The following CD55 variants were observed in gnomAD, a reference collection of about 807,000 sequenced individuals.
The protein encoded by CD55 is CD55 molecule (Cromer blood group).
Under a neutral mutation model 45.8 loss-of-function variants are expected in CD55, and 41 were observed. The observed-to-expected ratio is 0.90, with a 90% confidence interval of 0.70 to 1.16. The LOEUF (loss-of-function observed/expected upper bound fraction) is 1.16, where lower values mean the gene tolerates loss of function less well. CD55 is among the 50% of genes most tolerant of loss of function. The pLI, the probability that CD55 is intolerant of heterozygous loss-of-function variation, is 0.00. For synonymous variants in CD55, 181 were observed against 181.1 expected, an observed-to-expected ratio of 1.00 and a Z score of 0.01; for missense variants, 416 against 469.8, an observed-to-expected ratio of 0.89 and a Z score of 1.06.
At chr1:207,342,362 C>T (rs536646038) in intron 9 of CD55, among the ~76,000 whole-genome samples, 3 of 152,264 alleles carry the variant, frequency 2.0e-5, no homozygotes, top group Admixed American at 6.5e-5. Flanking sequence ...TGAAAGTAGA[C>T]ATCCTTCTCT....
intron 6 of CD55, among the ~76,000 whole-genome samples, chr1:207,331,845 G>A (rs552288651): frequency 7.9e-5 from 12 of 152,004 alleles, no homozygotes; most frequent in South Asian, 2.1e-4. Flanking sequence ...AGAATCCTTC[G>A]AACTGCTTTT....
In CD55 at chr1:207,326,811, G is replaced by T; in HGVS notation, c.638G>T (p.Trp213Leu). 6.2e-7 allele frequency: 1 copy of T among 1,613,760 alleles called. No individual in the cohort carries two copies. The highest frequency in any genetic ancestry group is 8.5e-7 in the Non-Finnish European group (1 of 1,179,752). Residue 213 changes from tryptophan to leucine, a missense_variant, in exon 5 of 10, where the codon TGG becomes TTG. Around this residue, in one of 3 missense-constraint regions of CD55, gnomAD observed 111 missense variants for 163.4 expected, o/e 0.68. Transcript: ENST00000367064. Reference protein sequence around the residue: ...FCLISGSSVQWSDPLPECREI... With the variant: ...FCLISGSSVQLSDPLPECREI... The stretch of plus-strand genomic sequence containing the variant: ...CTTATTTCAGGCAGCTCTGTCCAGT[G>T]GAGTGACCCGTTGCCAGAGTGCAGA...
chr1:207,344,253 G>A (rs1292632183), intron 9 of CD55, among the ~76,000 whole-genome samples: 1 of 152,184 alleles, frequency 6.6e-6, no homozygotes, highest in Non-Finnish European at 1.5e-5. Flanking sequence ...TTATTGTGAT[G>A]TAGAGTTTTT....
At chr1:207,350,255 G>A (rs1024535252) in intron 9 of CD55, 2 of 332,346 alleles carry the variant, frequency 6.0e-6, no homozygotes, top group African/African-American at 4.5e-5. Flanking sequence ...TGCTGGATTT[G>A]ATCTGCTAGT....
At chr1:207,352,664 A>G (rs1213434862) in intron 9 of CD55, among the ~76,000 whole-genome samples, 1 of 152,160 alleles carries the variant, frequency 6.6e-6, no homozygotes, top group Admixed American at 6.5e-5. Flanking sequence ...TTTGAAGCTT[A>G]ATGTGATTAG....
Position 207,324,727 on chromosome 1 carries a change from C to T in CD55, c.455C>T (p.Ser152Phe), listed in dbSNP as rs751250615. 1.2e-6 allele frequency: 2 copies of T among 1,600,702 alleles called. No homozygotes were observed. The highest frequency in any genetic ancestry group is 3.6e-5 in the Admixed American group (2 of 56,176). ...KLTCLQNLKW[S>F]TAVEFCKKKS... ...ACTTGCCTTCAGAATTTAAAATGGT[C>T]CACAGCAGTCGAATTTTGTAAAAGT... Residue 152 changes from serine (S) to phenylalanine (F), a missense_variant, in exon 3 of 10, where the codon TCC becomes TTC. Ser to Phe is a radical substitution (Grantham distance 155). This residue lies in a region of CD55 where 111 missense variants were observed against 163.4 expected (regional missense o/e 0.68). Transcript: ENST00000367064.
intron 9 of CD55, chr1:207,350,100 C>T (rs1655804419): frequency 8.8e-6 from 4 of 454,298 alleles, no homozygotes; most frequent in African/African-American, 2.0e-5. Flanking sequence ...GCCTTTTCTA[C>T]AACAATTGAG....
intron 6 of CD55, among the ~76,000 whole-genome samples, chr1:207,336,200 G>A (rs1655164994): frequency 1.3e-5 from 2 of 152,248 alleles, no homozygotes; most frequent in Middle Eastern, 3.4e-3. Context: ...AGAATTAAAA[G>A]GAGTTATTTT....
chr1:207,350,428 G>A (rs1274823136), intron 9 of CD55, among the ~76,000 whole-genome samples: 2 of 152,106 alleles, frequency 1.3e-5, no homozygotes, highest in Non-Finnish European at 2.9e-5. Flanking sequence ...AGTATGATTG[G>A]TACCGGCTCT....
At chr1:207,353,065 T>TGG (rs66733059) in intron 9 of CD55, among the ~76,000 whole-genome samples, 2 of 104,068 alleles carry the variant, frequency 1.9e-5, no homozygotes, top group Non-Finnish European at 4.0e-5. Flanking sequence ...TTTTTTTTTT[T>TGG]GGATGGGGGA....
At chr1:207,332,781 A>G (rs1282614089) in intron 6 of CD55, among the ~76,000 whole-genome samples, 1 of 152,170 alleles carries the variant, frequency 6.6e-6, no homozygotes, top group Non-Finnish European at 1.5e-5. Flanking sequence ...TTACCAAAAA[A>G]TTATATTTTT....
intron 9 of CD55, chr1:207,340,556 G>C (rs757431360): frequency 8.6e-6 from 6 of 698,544 alleles, no homozygotes; most frequent in South Asian, 7.4e-5. Context: ...ATTTTTTGTA[G>C]AGACAGGATT....
chr1:207,336,581 C>G, intron 6 of CD55, 112 bp from the exon 7 acceptor site: 1 of 1,229,820 alleles, frequency 8.1e-7, no homozygotes, highest in Non-Finnish European at 1.1e-6. Context: ...AAAGTCATAC[C>G]TAGGTGTTTG....
intron 9 of CD55, among the ~76,000 whole-genome samples, chr1:207,348,220 AC>A (rs1655725869): frequency 6.6e-6 from 1 of 152,036 alleles, no homozygotes; most frequent in South Asian, 2.1e-4. Flanking sequence ...CCACAACCTT[AC>A]CAACATTTGT....
At chr1:207,336,845 A>C (rs950744547) in intron 7 of CD55, 27 bp downstream of exon 7, 2 of 1,613,084 alleles carry the variant, frequency 1.2e-6, no homozygotes, top group Non-Finnish European at 1.7e-6. Context: ...AGTTCTTCAA[A>C]AACACACCAC....
intron 2 of CD55, 96 bp from the exon 3 acceptor site, chr1:207,324,463 A>G: frequency 1.4e-6 from 1 of 728,714 alleles, no homozygotes; most frequent in Non-Finnish European, 2.2e-6. Flanking sequence ...AAAGCAGTAA[A>G]GAAAGGGGGT....
chr1:207,325,709 C>G lies in CD55; in HGVS notation c.566C>G (p.Ser189Ter). The change falls in exon 4 of 10, where the codon TCA (serine) becomes TGA (stop). Residue 189 changes from serine (S) to a stop codon, truncating the protein, a stop_gained. Transcript: ENST00000367064. LOFTEE classifies it high-confidence loss of function. Reference protein sequence around the residue: ...GILFGATISFSCNTGYKLFGS... With the variant: ...GILFGATISF ...TTATTTGGTGCAACCATCTCCTTCT[C>G]ATGTAACACAGGGTAAGTTTGGGCA... 1.3e-6 allele frequency: 2 copies of G among 1,599,180 alleles called. No individual in the cohort carries two copies. The highest frequency in any genetic ancestry group is 1.7e-5 in the Admixed American group (1 of 59,658).
At chr1:207,332,750 C>T (rs771526394) in intron 6 of CD55, among the ~76,000 whole-genome samples, 12 of 152,052 alleles carry the variant, frequency 7.9e-5, no homozygotes, top group African/African-American at 2.7e-4. Context: ...TCCATTAAAA[C>T]GACTATAAAA....
intron 4 of CD55, 101 bp downstream of exon 4, chr1:207,325,822 A>G (rs1248988152): frequency 3.1e-6 from 2 of 642,368 alleles, no homozygotes; most frequent in Non-Finnish European, 5.5e-6. Context: ...CACAGCTAGT[A>G]GCAATTAAAA....
Sources: gnomAD v4.1 joint callset for allele counts (sites outside exome capture counted in the v4.1 genomes callset) on GRCh38, gnomAD v4.1.1 for gene constraint, gnomAD v4.1.1 regional missense constraint, MANE v1.5 for transcripts, NCBI Gene and HGNC (gene_info 2026-07-23, HGNC 2026-07-21) for gene names.